Variants in ACSF3 observed in about 807,000 individuals in gnomAD.
The protein encoded by ACSF3 is malonate--CoA ligase ACSF3, mitochondrial.
Under a neutral mutation model 53.2 loss-of-function variants are expected in ACSF3, and 78 were observed. The observed-to-expected ratio is 1.47, with a 90% CI of 1.22 to 1.77. ACSF3 has a LOEUF of 1.77. Ranked by LOEUF, ACSF3 falls within the 40% of genes most tolerant of loss-of-function variation. The probability of loss-of-function intolerance (pLI) is 0.00; values close to 1 mark genes in which losing one functional copy is unlikely to be tolerated. For synonymous variants in ACSF3, 414 were observed against 333.1 expected (o/e 1.24, Z -2.65); for missense variants, 937 against 771.1 (o/e 1.22, Z -2.55).
At chr16:89,151,229 A>T (rs1316992393) in intron 10 of ACSF3, 2 of 461,572 alleles carry the variant, frequency 4.3e-6, no homozygotes, top group African/African-American at 4.0e-5. Flanking sequence ...AAACACTGAA[A>T]CAGACTGAAC....
At position 89,154,457 on chromosome 16, in the gene ACSF3, C is replaced by T. The variant is rs555241833; in HGVS notation, c.*250C>T. ...GTCACCGCCGACCTCATCTGTGCAGCGCGGTGCAGCCAGCCCCTGGCCCCA... is the reference window on the plus strand; with the variant it reads ...GTCACCGCCGACCTCATCTGTGCAGTGCGGTGCAGCCAGCCCCTGGCCCCA... On this transcript the variant is annotated 3_prime_UTR_variant, in exon 11 of 11. Coordinates refer to ENST00000614302, the MANE Select transcript of ACSF3 (RefSeq NM_001243279.3). 188 of 632,640 alleles carry T rather than the reference C, an allele frequency of 3.0e-4. 1 individual carries two copies. The African/African-American group carries it at 3.0e-3, about 10-fold the overall frequency. 39.2% of individuals were successfully genotyped at this position (632,640 alleles called of 1,614,324 possible). A position where few individuals can be genotyped will look rare whatever the true frequency, so the allele number is the denominator to read the frequency against.
intron 1 of ACSF3, among the ~76,000 whole-genome samples, chr16:89,094,342 G>T (rs561428154): frequency 6.6e-6 from 1 of 152,196 alleles, no homozygotes; most frequent in Non-Finnish European, 1.5e-5. Context: ...TTTCTCATTG[G>T]GCTTCAGAAG....
At chr16:89,132,532 G>A (rs577735784) in intron 7 of ACSF3, among the ~76,000 whole-genome samples, 99 of 152,314 alleles carry the variant, frequency 6.5e-4, no homozygotes, top group Non-Finnish European at 1.2e-3. Context: ...TGTTTCCTGG[G>A]GCCATGGCAG....
chr16:89,111,944 G>A lies in ACSF3; in HGVS notation c.823-148G>A, dbSNP rs1597941394. 4 of 551,106 alleles carry A rather than the reference G, an allele frequency of 7.3e-6. No homozygotes were observed. In the East Asian group the frequency reaches 1.7e-4, roughly 23 times the overall value. 34.1% of individuals were successfully genotyped at this position (551,106 alleles called of 1,614,324 possible). A position where few individuals can be genotyped will look rare whatever the true frequency, so the allele number is the denominator to read the frequency against. ...CGCAACATGGCTTCTGTGGGAAGGG[G>A]TCAGAGTTTGAGGCACCCCTTTTAG... On this transcript the variant is annotated intron_variant, in intron 4 of 10. Transcript: ENST00000614302.
chr16:89,113,998 T>C lies in ACSF3; in HGVS notation c.978-341T>C, dbSNP rs73254026. On this transcript the variant is annotated intron_variant, in intron 5 of 10. Transcript: ENST00000614302. The stretch of plus-strand genomic sequence containing the variant: ...CCGTGGTCGGCAGCTGCACGGTCAC[T>C]GCTGTTCTTGAGCGTGGTTGTGAAC... 3.7e-3 allele frequency: 1,398 copies of C among 377,946 alleles called. 26 individuals are homozygous for C. Among genetic ancestry groups the C allele is most frequent in the African/African-American group, 0.027 (1,314 of 47,798 alleles). 23.4% of individuals were successfully genotyped at this position (377,946 alleles called of 1,614,324 possible).
At chr16:89,132,534 C>T (rs1337791525) in intron 7 of ACSF3, among the ~76,000 whole-genome samples, 1 of 152,184 alleles carries the variant, frequency 6.6e-6, no homozygotes, top group East Asian at 1.9e-4. Context: ...TTTCCTGGGG[C>T]CATGGCAGTG....
chr16:89,141,207 G>T, intron 8 of ACSF3: 7 of 1,287,260 alleles, frequency 5.4e-6, no homozygotes, highest in Non-Finnish European at 7.1e-6. Flanking sequence ...CTGAGCCCTT[G>T]ATAGCAGCGT....
intron 8 of ACSF3, among the ~76,000 whole-genome samples, chr16:89,142,341 C>T (rs1423484284): frequency 6.6e-6 from 1 of 152,202 alleles, no homozygotes; most frequent in African/African-American, 2.4e-5. Flanking sequence ...AGGCCTACAG[C>T]AGGGTCTCAG....
rs1327286826 is a variant in ACSF3 at position 89,107,667 on chromosome 16, C to T, written c.823-4425C>T. Among the ~76,000 whole-genome samples, 6 of 152,198 alleles carry T rather than the reference C, an allele frequency of 3.9e-5. No individual in the cohort carries two copies. In the South Asian group the frequency reaches 1.0e-3, roughly 26 times the overall value. On this transcript the variant is annotated intron_variant, in intron 4 of 10. Transcript: ENST00000614302. The stretch of plus-strand genomic sequence containing the variant: ...TTCAGTTTGTGGCTATTAGAAGTCA[C>T]GGTTGCTATGAACATTCTCACACAG...
In ACSF3 at chr16:89,155,799, CT is replaced by C. The variant is rs1362972101; in HGVS notation, c.*1596del. On this transcript the variant is annotated 3_prime_UTR_variant, in exon 11 of 11. Transcript: ENST00000614302. ...GCATCTCTCTCCTTTAATCCTGAAA[CT>C]TTTGATTCCTAAAAAGCTTACATAA... 1.8e-5 allele frequency: 8 copies of C among 453,598 alleles called. No homozygotes were observed. The highest frequency in any genetic ancestry group is 6.8e-4 in the Middle Eastern group (1 of 1,466). The allele number at this position is 453,598 out of a possible 1,614,324, so 28.1% of individuals were successfully genotyped here. A position where few individuals can be genotyped will look rare whatever the true frequency, so the allele number is the denominator to read the frequency against.
At position 89,098,628 on chromosome 16, in the gene ACSF3, G is replaced by C. The variant is rs890404124; in HGVS notation, c.-156G>C. 1 of 453,890 alleles carries C rather than the reference G, an allele frequency of 2.2e-6. No individual in the cohort carries two copies. The highest frequency in any genetic ancestry group is 4.4e-6 in the Non-Finnish European group (1 of 226,546). The allele number at this position is 453,890 out of a possible 1,614,324, so 28.1% of individuals were successfully genotyped here. A position where few individuals can be genotyped will look rare whatever the true frequency, so the allele number is the denominator to read the frequency against. On this transcript the variant is annotated 5_prime_UTR_variant, in exon 2 of 11. Transcript: ENST00000614302. ...CCTTCCGGGTTCCAGCGCCAGGCCTGGTGCCTGCCCCAGGAGGATGAGCAT... is the reference window on the plus strand; with the variant it reads ...CCTTCCGGGTTCCAGCGCCAGGCCTCGTGCCTGCCCCAGGAGGATGAGCAT...
intron 7 of ACSF3, 93 bp from the exon 8 acceptor site, chr16:89,133,043 C>A: frequency 1.9e-6 from 3 of 1,584,020 alleles, no homozygotes; most frequent in Non-Finnish European, 2.6e-6. Flanking sequence ...TGGGTGGGCC[C>A]TGGGTGGGCA....
chr16:89,110,146 A>G (rs570540772), intron 4 of ACSF3, among the ~76,000 whole-genome samples: 1 of 152,358 alleles, frequency 6.6e-6, no homozygotes, highest in Admixed American at 6.5e-5. Context: ...AAAATTTTAA[A>G]AATAAATTCA....
intron 5 of ACSF3, chr16:89,113,972 T>C (rs890781029): frequency 2.8e-6 from 1 of 359,776 alleles, no homozygotes; most frequent in African/African-American, 2.1e-5. Context: ...CGTGATCAGC[T>C]CCGTGGTCGG....
intron 8 of ACSF3, among the ~76,000 whole-genome samples, chr16:89,143,690 C>T (rs1912326911): frequency 1.3e-5 from 2 of 152,160 alleles, no homozygotes; most frequent in African/African-American, 2.4e-5. Flanking sequence ...CCCTTCCAGC[C>T]GCCCAGACTA....
intron 5 of ACSF3, 132 bp downstream of exon 5, chr16:89,112,378 C>G: frequency 3.5e-6 from 4 of 1,143,810 alleles, no homozygotes; most frequent in Non-Finnish European, 5.1e-6. Flanking sequence ...TTCCCTCTCT[C>G]TCTACCCGTC....
intron 8 of ACSF3, among the ~76,000 whole-genome samples, chr16:89,135,900 A>G (rs1019899839): frequency 2.0e-5 from 3 of 152,126 alleles, no homozygotes; most frequent in Non-Finnish European, 4.4e-5. Context: ...TCAGCCTCCC[A>G]AGTAGCTGGG....
intron 5 of ACSF3, among the ~76,000 whole-genome samples, 182 bp downstream of exon 5, chr16:89,112,428 C>T (rs561191230): frequency 6.6e-6 from 1 of 152,226 alleles, no homozygotes; most frequent in South Asian, 2.1e-4. Flanking sequence ...CTCTCTCTAC[C>T]CGTCTGTATG....
In ACSF3 at chr16:89,155,580, T is replaced by C. The variant is rs772439886; in HGVS notation, c.*1373T>C. 2 of 454,002 alleles carry C rather than the reference T, an allele frequency of 4.4e-6. No individual in the cohort carries two copies. The highest frequency in any genetic ancestry group is 2.3e-5 in the Admixed American group (1 of 42,574). 28.1% of individuals were successfully genotyped at this position (454,002 alleles called of 1,614,324 possible). ...TGTGGCCTTGTGCATCCCCATGGCC[T>C]GACCCCGGGAACAGTCAGAGGAAGG... On this transcript the variant is annotated 3_prime_UTR_variant, in exon 11 of 11. Coordinates refer to ENST00000614302, the MANE Select transcript of ACSF3 (RefSeq NM_001243279.3).
Sources: allele counts gnomAD v4.1 joint callset (sites outside exome capture counted in the v4.1 genomes callset), GRCh38; gene constraint gnomAD v4.1.1; transcripts MANE v1.5; gene names NCBI Gene and HGNC (gene_info 2026-07-23, HGNC 2026-07-21).